TBC1D23: variants seen among roughly 807,000 people sequenced by gnomAD.
The protein encoded by TBC1D23 is HCV non-structural protein 4A-transactivated protein 1.
Under a neutral mutation model 91.4 loss-of-function variants are expected in TBC1D23, and 55 were observed. That is an observed-to-expected ratio of 0.60 (90% CI 0.48 to 0.75). TBC1D23 has a LOEUF of 0.75. Among genes scored for constraint, TBC1D23 ranks in the 30% least tolerant of loss-of-function variants. The pLI, the probability that TBC1D23 is intolerant of heterozygous loss-of-function variation, is 0.00. For missense variants in TBC1D23, 725 were observed against 836.1 expected (o/e 0.87, Z 1.64); for synonymous variants, 289 against 281.0 (o/e 1.03, Z -0.28).
Position 100,281,839 on chromosome 3 carries a change from A to T in TBC1D23, c.263A>T (p.Gln88Leu), listed in dbSNP as rs1576164604. ...EQNTIHKDCL[Q>L]FIDQLSVPEE... ...AACACTATTCACAAAGATTGCCTGC[A>T]GTTTATTGGTAAGCTGAATAATCAC... is the stretch of plus-strand genomic sequence containing the variant. Residue 88 changes from glutamine (Q) to leucine (L), a missense_variant, in exon 3 of 19, where the codon CAG (glutamine) becomes CTG (leucine). Coordinates refer to ENST00000394144, the MANE Select transcript of TBC1D23 (RefSeq NM_001199198.3). 3 of 1,601,914 alleles carry T rather than the reference A, an allele frequency of 1.9e-6. No individual in the cohort carries two copies. In the South Asian group the frequency reaches 3.4e-5, roughly 18 times the overall value.
intron 13 of TBC1D23, among the ~76,000 whole-genome samples, chr3:100,309,438 A>G (rs1052213871): frequency 2.6e-5 from 4 of 152,140 alleles, no homozygotes; most frequent in African/African-American, 9.7e-5. Flanking sequence ...TTCAGGCTCC[A>G]CACTCACATA....
chr3:100,311,748 TAAA>T, intron 14 of TBC1D23, 82 bp from the exon 15 acceptor site: 1 of 922,102 alleles, frequency 1.1e-6, no homozygotes, highest in Non-Finnish European at 1.7e-6. Flanking sequence ...TGAGAAAAAC[TAAA>T]CTGTACCATA....
intron 1 of TBC1D23, among the ~76,000 whole-genome samples, chr3:100,262,723 CAAA>C (rs1174689237): frequency 3.7e-4 from 19 of 51,414 alleles, no homozygotes; most frequent in African/African-American, 1.3e-3. Flanking sequence ...GGCTCGGTCT[CAAA>C]AAAAAAAAAA....
chr3:100,299,434 TAAG>T (rs1705377593), intron 10 of TBC1D23, 103 bp downstream of exon 10: 2 of 591,300 alleles, frequency 3.4e-6, no homozygotes, highest in African/African-American at 3.8e-5. Context: ...TCTTTCTGCT[TAAG>T]GAGGGAGTCT....
At chr3:100,296,721 G>A (rs867367298) in intron 8 of TBC1D23, among the ~76,000 whole-genome samples, 3 of 151,970 alleles carry the variant, frequency 2.0e-5, no homozygotes, top group Non-Finnish European at 4.4e-5. Flanking sequence ...TTAGCCGGGC[G>A]TGGTGGTGGG....
intron 13 of TBC1D23, 88 bp from the exon 14 acceptor site, chr3:100,310,315 A>T (rs189134247): frequency 8.4e-7 from 1 of 1,186,918 alleles, no homozygotes; most frequent in East Asian, 2.4e-5. Flanking sequence ...TGGGATTGCA[A>T]TTCAGTCTAT....
chr3:100,289,922 T>TA (rs2067775365), intron 4 of TBC1D23, among the ~76,000 whole-genome samples: 1 of 152,220 alleles, frequency 6.6e-6, no homozygotes, highest in Non-Finnish European at 1.5e-5. Context: ...TATTTGTTTT[T>TA]AAAAAGCCTT....
At position 100,315,820 on chromosome 3, in the gene TBC1D23, G is replaced by C. The variant is rs549602019; in HGVS notation, c.1599-279G>C. 9.7e-6 allele frequency: 4 copies of C among 412,072 alleles called. No individual in the cohort carries two copies. In the South Asian group the frequency reaches 9.8e-5, roughly 10 times the overall value. The allele number at this position is 412,072 out of a possible 1,614,324, so 25.5% of individuals were successfully genotyped here. A position where few individuals can be genotyped will look rare whatever the true frequency, so the allele number is the denominator to read the frequency against. On this transcript the variant is annotated intron_variant, in intron 15 of 18. Transcript: ENST00000394144. ...GCAAGGCCAAACAGATCTAAGCATT[G>C]GTTTTAATATGGATATTGAAATTGT...
At chr3:100,284,736 G>A (rs1219998303) in intron 4 of TBC1D23, among the ~76,000 whole-genome samples, 4 of 152,160 alleles carry the variant, frequency 2.6e-5, no homozygotes, top group Non-Finnish European at 4.4e-5. Context: ...CAGTGCAATA[G>A]ATCAGATAGT....
intron 4 of TBC1D23, among the ~76,000 whole-genome samples, chr3:100,290,303 C>G (rs975598838): frequency 6.6e-6 from 1 of 152,156 alleles, no homozygotes; most frequent in African/African-American, 2.4e-5. Flanking sequence ...ATCAAAATAA[C>G]CTAAATTTGT....
At chr3:100,298,661 C>G (rs902190073) in intron 9 of TBC1D23, among the ~76,000 whole-genome samples, 2 of 152,078 alleles carry the variant, frequency 1.3e-5, no homozygotes, top group African/African-American at 2.4e-5. Context: ...ACTGTATCTG[C>G]GCTGGTTATT....
intron 1 of TBC1D23, among the ~76,000 whole-genome samples, chr3:100,265,258 C>G (rs1176400542): frequency 6.6e-6 from 1 of 152,198 alleles, no homozygotes; most frequent in African/African-American, 2.4e-5. Flanking sequence ...GCTGTCATTT[C>G]ATATAAATTT....
At chr3:100,311,783 C>CG in intron 14 of TBC1D23, 50 bp from the exon 15 acceptor site, 1 of 1,214,410 alleles carries the variant, frequency 8.2e-7, no homozygotes, top group Non-Finnish European at 1.2e-6. Flanking sequence ...AAAGCTGTTG[C>CG]ATTTTTTTTA....
At chr3:100,303,575 A>T (rs920717295) in intron 11 of TBC1D23, among the ~76,000 whole-genome samples, 1 of 152,202 alleles carries the variant, frequency 6.6e-6, no homozygotes, top group East Asian at 1.9e-4. Context: ...GTTCAAGACC[A>T]CCCTGGGCAA....
At chr3:100,279,054 T>C (rs868274547) in intron 1 of TBC1D23, among the ~76,000 whole-genome samples, 1 of 152,214 alleles carries the variant, frequency 6.6e-6, no homozygotes, top group Non-Finnish European at 1.5e-5. Flanking sequence ...CTGTTAAAAT[T>C]TGAATCCTGG....
Position 100,304,890 on chromosome 3 carries a change from TA to T in TBC1D23, c.1306+4del. ...GTATTGCCAGTGGAGGATTTATGGG[TA>T]AGATTTTGATTTATTAGTTTTTTTC... On this transcript the variant is annotated splice_donor_region_variant and intron_variant, in intron 12 of 18. Coordinates refer to ENST00000394144, the MANE Select transcript of TBC1D23 (RefSeq NM_001199198.3). The T allele has an allele frequency of 1.4e-6, 2 of 1,467,502 alleles. No individual in the cohort carries two copies. Among genetic ancestry groups the T allele is most frequent in the Non-Finnish European group, 1.9e-6 (2 of 1,049,122 alleles). 90.9% of individuals were successfully genotyped at this position (1,467,502 alleles called of 1,614,324 possible). A position where few individuals can be genotyped will look rare whatever the true frequency, so the allele number is the denominator to read the frequency against.
rs769295544 is a variant in TBC1D23 at position 100,261,048 on chromosome 3, G to C, written c.30G>C (p.Leu10=). 16 of 1,613,848 alleles carry C rather than the reference G, an allele frequency of 9.9e-6. No individual in the cohort carries two copies. The highest frequency in any genetic ancestry group is 1.4e-5 in the Non-Finnish European group (16 of 1,179,828). Residue 10 remains leucine (L), a synonymous_variant, in exon 1 of 19, where the codon CTG becomes CTC. Coordinates refer to ENST00000394144, the MANE Select transcript of TBC1D23 (RefSeq NM_001199198.3). ...CGGAAGGAGAAGATGTGCCGCCGCT[G>C]CCAACGTCGAGCGGCGACGGCTGGT... is the stretch of plus-strand genomic sequence containing the variant. MAEGEDVPP[L]PTSSGDGWEK...
chr3:100,320,983 C>G lies in TBC1D23; in HGVS notation c.2018+12C>G, dbSNP rs1576190419. 1.3e-6 allele frequency: 2 copies of G among 1,561,356 alleles called. No individual in the cohort carries two copies. The highest frequency in any genetic ancestry group is 1.7e-6 in the Non-Finnish European group (2 of 1,146,694). ...TTGGCAATCGAAAGGTAAGATTTTC[C>G]TTAAGATAATATTATCTGAATTCAG... On this transcript the variant is annotated intron_variant, in intron 18 of 18. Coordinates refer to ENST00000394144, the MANE Select transcript of TBC1D23 (RefSeq NM_001199198.3).
At chr3:100,261,448 A>G (rs531839727) in intron 1 of TBC1D23, 3 of 238,678 alleles carry the variant, frequency 1.3e-5, no homozygotes, top group East Asian at 1.8e-4. Context: ...CTGAGTCACT[A>G]AAATACAATG....
Sources: gnomAD v4.1 joint callset for allele counts (sites outside exome capture counted in the v4.1 genomes callset) on GRCh38, gnomAD v4.1.1 for gene constraint, MANE v1.5 for transcripts, NCBI Gene and HGNC (gene_info 2026-07-23, HGNC 2026-07-21) for gene names.